TMEM114: variants seen among roughly 807,000 people sequenced by gnomAD.
TMEM114 encodes claudin-26.
In TMEM114, 6 loss-of-function variants were observed where a neutral mutation model predicts 6.2. That is an observed-to-expected ratio of 0.97 (90% CI 0.53 to 1.91). The LOEUF (loss-of-function observed/expected upper bound fraction) is 1.91. Ranked by LOEUF, TMEM114 falls within the 40% of genes most tolerant of loss-of-function variation. The pLI is 0.01. For missense variants in TMEM114, 218 were observed against 158.3 expected (o/e 1.38, Z -2.02); for synonymous variants, 104 against 73.0 (o/e 1.42, Z -2.16).
chr16:8,559,520 G>C (rs940146656), intron 2 of TMEM114, among the ~76,000 whole-genome samples: 7 of 152,240 alleles, frequency 4.6e-5, no homozygotes, highest in Admixed American at 2.0e-4. Flanking sequence ...GGGTGCAGGA[G>C]GGAGCAAACT....
the TMEM114 span, among the ~76,000 whole-genome samples, chr16:8,529,137 T>C: frequency 1.3e-5 from 2 of 151,992 alleles, no homozygotes; most frequent in African/African-American, 4.8e-5. Context: ...CTGGCTAGGG[T>C]GAGAAGCAAG....
At chr16:8,562,690 G>GAATGAGTGAGTGAGTA (rs1489296605) in intron 2 of TMEM114, among the ~76,000 whole-genome samples, 2 of 147,452 alleles carry the variant, frequency 1.4e-5, no homozygotes, top group East Asian at 3.9e-4. Flanking sequence ...GTGAGTGAGG[G>GAATGAGTGAGTGAGTA]AATGAGTGAG....
chr16:8,551,997 T>C (rs964787276), intron 2 of TMEM114, among the ~76,000 whole-genome samples: 3 of 152,244 alleles, frequency 2.0e-5, no homozygotes, highest in African/African-American at 7.2e-5. Context: ...TTCTATATTG[T>C]ATGGTTCCAT....
At chr16:8,551,595 A>T (rs1355453027) in intron 2 of TMEM114, among the ~76,000 whole-genome samples, 1 of 152,254 alleles carries the variant, frequency 6.6e-6, no homozygotes, top group South Asian at 2.1e-4. Context: ...CAGTATCCTC[A>T]GATTTAACCA....
downstream of TMEM114, chr16:8,569,438 T>G: frequency 9.7e-6 from 11 of 1,129,860 alleles, no homozygotes; most frequent in Non-Finnish European, 7.6e-6. Flanking sequence ...CCAAGGGACA[T>G]GGGTGAGGAG....
intron 2 of TMEM114, among the ~76,000 whole-genome samples, chr16:8,553,358 C>T (rs1254111366): frequency 6.6e-6 from 1 of 152,204 alleles, no homozygotes; most frequent in African/African-American, 2.4e-5. Context: ...ACGAAAATAG[C>T]TGTAGAGTCC....
At chr16:8,576,548 A>T (rs1415080095) in intron 2 of TMEM114, among the ~76,000 whole-genome samples, 2 of 152,226 alleles carry the variant, frequency 1.3e-5, no homozygotes, top group African/African-American at 4.8e-5. Context: ...AGCAGGACAG[A>T]GGTGGCAGGA....
intron 2 of TMEM114, among the ~76,000 whole-genome samples, chr16:8,583,839 G>C (rs1349510027): frequency 6.6e-6 from 1 of 151,784 alleles, no homozygotes; most frequent in Admixed American, 6.6e-5. Flanking sequence ...CCCTACACCT[G>C]ATGACAGCAC....
In TMEM114 at chr16:8,561,800, ATGAG is replaced by A. The variant is rs139243831; in HGVS notation, n.213-23978_213-23975del. Among the ~76,000 whole-genome samples the A allele has an allele frequency of 4.2e-3, 646 of 152,196 alleles. 3 individuals are homozygous for A. The highest frequency in any genetic ancestry group is 0.015 in the African/African-American group (605 of 41,528). On this transcript the variant is annotated intron_variant and non_coding_transcript_variant, in intron 2 of 2. Transcript: ENST00000623677. ...TAATGAGTGAATCAGTGAATAGTGA[ATGAG>A]TGAGTGAAGGAGGGAGTGAATGAGT...
intron 2 of TMEM114, among the ~76,000 whole-genome samples, chr16:8,559,716 C>T (rs1901137748): frequency 6.6e-6 from 1 of 151,886 alleles, no homozygotes; most frequent in Admixed American, 6.7e-5. Flanking sequence ...CCCCATGCCA[C>T]CCTCACAAGG....
At chr16:8,538,136 A>AAAG (rs1452991116) in intron 2 of TMEM114, among the ~76,000 whole-genome samples, 4 of 149,854 alleles carry the variant, frequency 2.7e-5, no homozygotes, top group Admixed American at 2.6e-4. Context: ...GTCTCTACAA[A>AAAG]AAAAAAAAAA....
At chr16:8,561,049 C>G (rs925629922) in intron 2 of TMEM114, among the ~76,000 whole-genome samples, 2 of 152,208 alleles carry the variant, frequency 1.3e-5, no homozygotes, top group African/African-American at 4.8e-5. Flanking sequence ...GACTTATTCG[C>G]TACCACGAGA....
downstream of TMEM114, among the ~76,000 whole-genome samples, chr16:8,533,478 C>T (rs368943459): frequency 2.0e-4 from 31 of 152,226 alleles, no homozygotes; most frequent in African/African-American, 5.5e-4. Flanking sequence ...TGGTTCATGT[C>T]GGAGCCTTTG....
chr16:8,554,477 A>C (rs35576770), intron 2 of TMEM114, among the ~76,000 whole-genome samples: 63,465 of 151,722 alleles, frequency 0.42, 13,658 homozygotes, highest in East Asian at 0.52. Flanking sequence ...GACCTCTCAT[A>C]GCCCCTTCAT....
intron 2 of TMEM114, among the ~76,000 whole-genome samples, chr16:8,556,530 T>C (rs1048521367): frequency 3.3e-5 from 5 of 152,112 alleles, no homozygotes; most frequent in African/African-American, 9.7e-5. Flanking sequence ...AGATGGAGTT[T>C]GGCTCTTGTT....
Position 8,540,771 on chromosome 16 carries a change from C to T in TMEM114, n.213-2945G>A, listed in dbSNP as rs142442590. Among the ~76,000 whole-genome samples the T allele has an allele frequency of 3.3e-4, 50 of 152,294 alleles. 1 individual carries two copies. The highest frequency in any genetic ancestry group is 2.3e-3 in the Admixed American group (35 of 15,300). ...GAGAGATGGACATAAACCAAAGAAT[C>T]ACACGAATAACTGCTAAATTTTGAC... On this transcript the variant is annotated intron_variant and non_coding_transcript_variant, in intron 2 of 2. Transcript: ENST00000623677.
chr16:8,530,858 C>A, the TMEM114 span, among the ~76,000 whole-genome samples: 11 of 152,088 alleles, frequency 7.2e-5, no homozygotes, highest in African/African-American at 2.7e-4. Context: ...ACCCCCACAT[C>A]TACTAAAAAT....
At position 8,544,202 on chromosome 16, in the gene TMEM114, T is replaced by C. The variant is rs1327067326; in HGVS notation, n.213-6376A>G. 2.6e-5 allele frequency among the ~76,000 whole-genome samples: 4 copies of C among 152,236 alleles called. No individual in the cohort carries two copies. In the East Asian group the frequency reaches 7.7e-4, roughly 29 times the overall value. On this transcript the variant is annotated intron_variant and non_coding_transcript_variant, in intron 2 of 2. Coordinates refer to the TMEM114 transcript ENST00000623677. ...AGCTGCAAAGACCAAGTAAAGCATATATGCAAGCCCTCTCATGCTGGCTTT... is the reference window on the plus strand; with the variant it reads ...AGCTGCAAAGACCAAGTAAAGCATACATGCAAGCCCTCTCATGCTGGCTTT...
In TMEM114 at chr16:8,538,784, G is replaced by T. The variant is rs184938476; in HGVS notation, n.213-958C>A. Among the ~76,000 whole-genome samples, 192 of 152,284 alleles carry T rather than the reference G, an allele frequency of 1.3e-3. 1 individual carries two copies. The highest frequency in any genetic ancestry group is 0.01 in the Middle Eastern group (3 of 294). ...GCCTCCCAAGGTGCTGGGATTACAG[G>T]TGTGAGCCACCGCGCCCGCCCGGCC... On this transcript the variant is annotated intron_variant and non_coding_transcript_variant, in intron 2 of 2. Transcript: ENST00000623677.
Sources: gnomAD v4.1 joint callset for allele counts (sites outside exome capture counted in the v4.1 genomes callset) on GRCh38, gnomAD v4.1.1 for gene constraint, MANE v1.5 for transcripts, NCBI Gene and HGNC (gene_info 2026-07-23, HGNC 2026-07-21) for gene names.